The following OXSR1 variants were observed in gnomAD, a reference collection of about 807,000 sequenced individuals.
OXSR1 encodes the protein serine/threonine-protein kinase OSR1.
OXSR1 carries 24 observed loss-of-function variants against 79.8 expected under a neutral mutation model. The ratio of observed to expected loss-of-function variants is 0.30; its 90% confidence interval spans 0.22 to 0.42. OXSR1 has a LOEUF of 0.42. Among genes scored for constraint, OXSR1 ranks in the 10% least tolerant of loss-of-function variants. OXSR1 has a pLI of 1.00. For missense variants in OXSR1, 430 were observed against 618.4 expected (o/e 0.70, Z 3.23); for synonymous variants, 226 against 209.2 (o/e 1.08, Z -0.69).
At chr3:38,172,982 A>G (rs1237461719) in intron 1 of OXSR1, among the ~76,000 whole-genome samples, 2 of 152,126 alleles carry the variant, frequency 1.3e-5, no homozygotes, top group Non-Finnish European at 2.9e-5. Flanking sequence ...TTCCACCTCT[A>G]GACTCATGCT....
At chr3:38,228,593 G>A (rs1043180177) in intron 8 of OXSR1, among the ~76,000 whole-genome samples, 2 of 152,112 alleles carry the variant, frequency 1.3e-5, no homozygotes, top group Non-Finnish European at 1.5e-5. Context: ...TTGTTTTTGA[G>A]ACAGTCTTGC....
intron 2 of OXSR1, 136 bp downstream of exon 2, chr3:38,183,251 G>T: frequency 2.3e-6 from 1 of 434,308 alleles, no homozygotes. Context: ...AATATTCATT[G>T]TAAAATTTAT....
At chr3:38,240,700 TA>T (rs1290845869) in intron 11 of OXSR1, among the ~76,000 whole-genome samples, 176 of 133,084 alleles carry the variant, frequency 1.3e-3, no homozygotes, top group African/African-American at 2.0e-3. Flanking sequence ...AAAAGATACT[TA>T]AAAAAAAAAA....
intron 1 of OXSR1, among the ~76,000 whole-genome samples, chr3:38,182,543 T>C: frequency 6.6e-6 from 1 of 152,234 alleles, no homozygotes; most frequent in Admixed American, 6.5e-5. Context: ...CATTCCAGTT[T>C]ACAAGCCTCT....
intron 4 of OXSR1, among the ~76,000 whole-genome samples, chr3:38,211,666 G>A (rs1009783198): frequency 6.6e-6 from 1 of 152,058 alleles, no homozygotes; most frequent in Non-Finnish European, 1.5e-5. Flanking sequence ...CCTTATATCA[G>A]CCCAGTGCCA....
intron 10 of OXSR1, among the ~76,000 whole-genome samples, chr3:38,231,217 A>G (rs544974547): frequency 2.0e-5 from 3 of 152,362 alleles, no homozygotes; most frequent in African/African-American, 7.2e-5. Flanking sequence ...TATATTAAAT[A>G]CTTGGAAATG....
chr3:38,210,093 A>C (rs777306892), intron 4 of OXSR1, among the ~76,000 whole-genome samples: 1 of 149,142 alleles, frequency 6.7e-6, no homozygotes, highest in African/African-American at 2.5e-5. Context: ...AGTTCACTCC[A>C]CTCTGCTTGA....
intron 1 of OXSR1, among the ~76,000 whole-genome samples, chr3:38,177,893 T>C (rs1443407685): frequency 6.6e-6 from 1 of 151,818 alleles, no homozygotes; most frequent in African/African-American, 2.4e-5. Context: ...CAGAAGTGTG[T>C]TCTTAAATAT....
chr3:38,220,812 G>A (rs561248200), intron 5 of OXSR1, among the ~76,000 whole-genome samples: 3 of 152,276 alleles, frequency 2.0e-5, no homozygotes, highest in African/African-American at 7.2e-5. Flanking sequence ...GGTATGCCCA[G>A]GGATCAAGGT....
At chr3:38,245,055 G>A (rs1703113023) in intron 12 of OXSR1, among the ~76,000 whole-genome samples, 1 of 152,086 alleles carries the variant, frequency 6.6e-6, no homozygotes, top group African/African-American at 2.4e-5. Flanking sequence ...ATTTTCAAAA[G>A]TAGTCTTAAA....
At chr3:38,192,937 C>T (rs771286821) in intron 3 of OXSR1, among the ~76,000 whole-genome samples, 10 of 152,170 alleles carry the variant, frequency 6.6e-5, no homozygotes, top group Non-Finnish European at 1.3e-4. Context: ...GTTTAGTTTG[C>T]AGTTTTATTG....
intron 14 of OXSR1, 83 bp downstream of exon 14, chr3:38,247,815 T>G: frequency 1.2e-6 from 1 of 814,534 alleles, no homozygotes. Context: ...TGAGAGTAAC[T>G]GGATAGGATT....
chr3:38,225,505 T>C (rs1314093983), intron 8 of OXSR1, among the ~76,000 whole-genome samples: 2 of 152,142 alleles, frequency 1.3e-5, no homozygotes, highest in Admixed American at 1.3e-4. Context: ...CAGAATTTAT[T>C]GTTGGAAATA....
intron 4 of OXSR1, among the ~76,000 whole-genome samples, chr3:38,214,488 A>G (rs575577890): frequency 3.5e-4 from 54 of 152,302 alleles, no homozygotes; most frequent in African/African-American, 1.3e-3. Context: ...GAGTGACTAA[A>G]CTATACTTTT....
chr3:38,182,625 G>A (rs1367240260), intron 1 of OXSR1, among the ~76,000 whole-genome samples: 1 of 152,184 alleles, frequency 6.6e-6, no homozygotes, highest in East Asian at 1.9e-4. Flanking sequence ...TTTTCTTGAA[G>A]TCTTGAGATC....
intron 11 of OXSR1, among the ~76,000 whole-genome samples, chr3:38,238,206 C>T (rs988978022): frequency 1.3e-5 from 2 of 152,040 alleles, no homozygotes; most frequent in East Asian, 3.8e-4. Context: ...TTCATGTTAT[C>T]TTTATAGCAT....
At chr3:38,182,476 G>C (rs1036255417) in intron 1 of OXSR1, among the ~76,000 whole-genome samples, 1 of 152,220 alleles carries the variant, frequency 6.6e-6, no homozygotes, top group Non-Finnish European at 1.5e-5. Flanking sequence ...AGAGAGAGCA[G>C]AGTTTTCTCA....
At chr3:38,246,039 A>G (rs995244114) in intron 12 of OXSR1, 36 bp from the exon 13 acceptor site, 3 of 1,606,820 alleles carry the variant, frequency 1.9e-6, no homozygotes, top group Non-Finnish European at 1.7e-6. Flanking sequence ...CCCTTTCCAC[A>G]CAACTTAAGC....
intron 4 of OXSR1, among the ~76,000 whole-genome samples, chr3:38,212,368 C>A (rs1702405188): frequency 6.6e-6 from 1 of 152,172 alleles, no homozygotes; most frequent in Middle Eastern, 3.2e-3. Context: ...TACTGTGTTT[C>A]CTCTTTGACT....
Sources: gnomAD v4.1 joint callset for allele counts (sites outside exome capture counted in the v4.1 genomes callset) on GRCh38, gnomAD v4.1.1 for gene constraint, MANE v1.5 for transcripts, NCBI Gene and HGNC (gene_info 2026-07-23, HGNC 2026-07-21) for gene names.